Variants in IL3RA observed in about 807,000 individuals in gnomAD.
The protein encoded by IL3RA is interleukin 3 receptor subunit alpha.
IL3RA carries 73 observed loss-of-function variants against 52.3 expected under a neutral mutation model. The ratio of observed to expected loss-of-function variants is 1.40; its 90% confidence interval spans 1.16 to 1.70. IL3RA has a LOEUF of 1.70. Among genes scored for constraint, IL3RA ranks in the 40% most tolerant of loss-of-function variants. IL3RA has a pLI of 0.00. For synonymous variants in IL3RA, 260 were observed against 194.0 expected (o/e 1.34, Z -2.83); for missense variants, 664 against 504.4 (o/e 1.32, Z -3.03).
chrX:1,348,392 G>C (rs2085872940), intron 3 of IL3RA, 39 bp from the exon 4 acceptor site: 4 of 1,454,258 alleles, frequency 2.8e-6, no homozygotes, highest in Non-Finnish European at 2.9e-6. Flanking sequence ...AATTAAGCAT[G>C]GTCTGTCAGC....
chrX:1,345,689 A>T (rs1158361781), intron 3 of IL3RA, among the ~76,000 whole-genome samples: 1 of 151,518 alleles, frequency 6.6e-6, no homozygotes, highest in Non-Finnish European at 1.5e-5. Context: ...ATGGGGTTTC[A>T]CTGTGTTAGC....
At position 1,368,400 on chromosome X, in the gene IL3RA, C is replaced by G. The variant is rs186823518; in HGVS notation, c.874+3148C>G. On this transcript the variant is annotated intron_variant, in intron 9 of 11. Coordinates refer to ENST00000331035, the MANE Select transcript of IL3RA (RefSeq NM_002183.4). ...AGGAGTTCGAGACCAGCCTGACCAACATGGAAAAACCCTGTCTCTACTAAA... is the reference window on the plus strand; with the variant it reads ...AGGAGTTCGAGACCAGCCTGACCAAGATGGAAAAACCCTGTCTCTACTAAA... Among the ~76,000 whole-genome samples the G allele has an allele frequency of 4.1e-3, 617 of 152,112 alleles. 4 individuals are homozygous for G. The highest frequency in any genetic ancestry group is 0.021 in the South Asian group (102 of 4,816).
At chrX:1,348,237 C>T (rs1270455099) in intron 3 of IL3RA, among the ~76,000 whole-genome samples, 194 bp from the exon 4 acceptor site, 4 of 150,574 alleles carry the variant, frequency 2.7e-5, no homozygotes, top group Non-Finnish European at 4.4e-5. Flanking sequence ...CCTGTAATCC[C>T]AGGTGCTCGG....
At chrX:1,348,843 T>A (rs1183899104) in intron 4 of IL3RA, among the ~76,000 whole-genome samples, 1 of 139,208 alleles carries the variant, frequency 7.2e-6, no homozygotes, top group Non-Finnish European at 1.5e-5. Context: ...TCCTCCCTCC[T>A]CCTTCCCACC....
chrX:1,338,396 C>T (rs1227057512), intron 1 of IL3RA, among the ~76,000 whole-genome samples: 1 of 151,986 alleles, frequency 6.6e-6, no homozygotes, highest in Admixed American at 6.6e-5. Flanking sequence ...TAATGTGGTC[C>T]AGCCACACGG....
intron 10 of IL3RA, among the ~76,000 whole-genome samples, chrX:1,379,605 G>A (rs2089034053): frequency 6.6e-6 from 1 of 152,222 alleles, no homozygotes. Flanking sequence ...CCCCTGCCCT[G>A]CCCAGCGGGC....
intron 10 of IL3RA, among the ~76,000 whole-genome samples, chrX:1,379,412 T>G (rs1311731522): frequency 6.6e-6 from 1 of 152,158 alleles, no homozygotes; most frequent in East Asian, 1.9e-4. Flanking sequence ...AGCCTCGGCC[T>G]CCCAAAGTGC....
chrX:1,364,645 G>GTT (rs764659253), intron 8 of IL3RA, among the ~76,000 whole-genome samples: 2 of 143,320 alleles, frequency 1.4e-5, no homozygotes, highest in African/African-American at 2.5e-5. Context: ...AATTTTTACA[G>GTT]TTTTTTTTTT....
chrX:1,341,409 A>G (rs1305946860), intron 1 of IL3RA, among the ~76,000 whole-genome samples: 1 of 152,140 alleles, frequency 6.6e-6, no homozygotes, highest in African/African-American at 2.4e-5. Context: ...ACATGTACAC[A>G]GTACCCGTGT....
intron 8 of IL3RA, among the ~76,000 whole-genome samples, chrX:1,364,049 A>G (rs1444954700): frequency 2.0e-5 from 3 of 151,516 alleles, no homozygotes; most frequent in East Asian, 2.0e-4. Flanking sequence ...TTAGCTGGGC[A>G]TGGTAGCGGG....
At chrX:1,344,513 G>C (rs1468839848) in intron 2 of IL3RA, among the ~76,000 whole-genome samples, 1 of 151,786 alleles carries the variant, frequency 6.6e-6, no homozygotes, top group Non-Finnish European at 1.5e-5. Context: ...GGTGGCTCAT[G>C]CTTGTAATCC....
chrX:1,358,155 ACT>A (rs2086882698), intron 7 of IL3RA, among the ~76,000 whole-genome samples: 1 of 151,634 alleles, frequency 6.6e-6, no homozygotes, highest in African/African-American at 2.4e-5. Context: ...TCTTTCTTTC[ACT>A]GATTTGAGGG....
At chrX:1,370,792 C>T (rs2088530013) in intron 9 of IL3RA, among the ~76,000 whole-genome samples, 1 of 73,804 alleles carries the variant, frequency 1.4e-5, no homozygotes, top group South Asian at 6.7e-4. Context: ...CAGAGAGGGA[C>T]GACCCTGTGA....
chrX:1,340,410 C>T (rs2085446628), intron 1 of IL3RA, among the ~76,000 whole-genome samples: 1 of 152,150 alleles, frequency 6.6e-6, no homozygotes, highest in Non-Finnish European at 1.5e-5. Context: ...GCCACTGCAC[C>T]CAGCCGGCAG....
chrX:1,369,820 T>C (rs1256523815), intron 9 of IL3RA, among the ~76,000 whole-genome samples: 7 of 25,536 alleles, frequency 2.7e-4, no homozygotes, highest in South Asian at 2.6e-3. Flanking sequence ...GACTAAGACA[T>C]CTCATAAGAA....
intron 3 of IL3RA, among the ~76,000 whole-genome samples, chrX:1,347,622 CA>C (rs1447855350): frequency 3.3e-5 from 5 of 150,204 alleles, no homozygotes; most frequent in African/African-American, 7.4e-5. Flanking sequence ...CCTGTCTTAA[CA>C]AAAAAACAAA....
chrX:1,367,601 C>T (rs1237883629), intron 9 of IL3RA, among the ~76,000 whole-genome samples: 2 of 98,358 alleles, frequency 2.0e-5, no homozygotes, highest in Admixed American at 2.0e-4. Flanking sequence ...GCCGGGTGCG[C>T]GGGGTGAGCG....
rs868240968 is a variant in IL3RA at position 1,365,262 on chromosome X, C to G, written c.874+10C>G. The G allele has an allele frequency of 2.3e-4, 348 of 1,518,020 alleles. No individual in the cohort carries two copies. In the African/African-American group the frequency reaches 4.2e-3, roughly 18 times the overall value. The allele number at this position is 1,518,020 out of a possible 1,614,324, so 94.0% of individuals were successfully genotyped here. A position where few individuals can be genotyped will look rare whatever the true frequency, so the allele number is the denominator to read the frequency against. ...ACCCCCCAGCGCTTCGGTGAGTGGG[C>G]TGTGCGGGGTGCGCGGGGTGAGCGG... is the stretch of plus-strand genomic sequence containing the variant. On this transcript the variant is annotated intron_variant, in intron 9 of 11. Coordinates refer to ENST00000331035, the MANE Select transcript of IL3RA (RefSeq NM_002183.4).
intron 8 of IL3RA, among the ~76,000 whole-genome samples, chrX:1,361,542 G>C (rs1462639828): frequency 1.3e-5 from 2 of 152,002 alleles, no homozygotes; most frequent in Non-Finnish European, 2.9e-5. Flanking sequence ...ACGAGGTCAG[G>C]AGTTCAAGAC....
Sources: gnomAD v4.1 joint callset for allele counts (sites outside exome capture counted in the v4.1 genomes callset) on GRCh38, gnomAD v4.1.1 for gene constraint, MANE v1.5 for transcripts, NCBI Gene and HGNC (gene_info 2026-07-23, HGNC 2026-07-21) for gene names.